Variants in CABIN1 observed in about 807,000 individuals in gnomAD.
The protein encoded by CABIN1 is calcineurin-binding protein cabin-1.
Under a neutral mutation model 227.7 loss-of-function variants are expected in CABIN1, and 133 were observed. That is an observed-to-expected ratio of 0.58 (90% CI 0.51 to 0.67). The LOEUF (loss-of-function observed/expected upper bound fraction) is 0.67, where lower values mean the gene tolerates loss of function less well. CABIN1 is among the 30% of genes least tolerant of loss of function. The pLI, the probability that CABIN1 is intolerant of heterozygous loss-of-function variation, is 0.00. For synonymous variants in CABIN1, 1,086 were observed against 1,155.1 expected (o/e 0.94, Z 1.21); for missense variants, 2,408 against 2,852.5 (o/e 0.84, Z 3.55).
chr22:24,034,667 T>A (rs2036738324), intron 1 of CABIN1, among the ~76,000 whole-genome samples: 1 of 152,230 alleles, frequency 6.6e-6, no homozygotes, highest in Admixed American at 6.5e-5. Context: ...GTTTAACATT[T>A]TGAGGAACTA....
chr22:24,038,691 C>A (rs897852330), intron 4 of CABIN1, among the ~76,000 whole-genome samples: 1 of 152,162 alleles, frequency 6.6e-6, no homozygotes, highest in African/African-American at 2.4e-5. Context: ...GGTGTAAGTG[C>A]TTGTTAAAGG....
intron 1 of CABIN1, among the ~76,000 whole-genome samples, chr22:24,024,214 C>CT (rs2035922220): frequency 1.3e-5 from 2 of 150,960 alleles, no homozygotes; most frequent in African/African-American, 4.9e-5. Flanking sequence ...TTTTATTATA[C>CT]TTTAAGTTTT....
At chr22:24,168,204 C>T (rs1387805851) in intron 32 of CABIN1, among the ~76,000 whole-genome samples, 2 of 152,244 alleles carry the variant, frequency 1.3e-5, no homozygotes, top group African/African-American at 2.4e-5. Flanking sequence ...GAGCAGGCAC[C>T]CCCACCTGGG....
intron 32 of CABIN1, 124 bp from the exon 33 acceptor site, chr22:24,168,320 TGGG>T (rs2148715277): frequency 2.3e-6 from 2 of 866,092 alleles, no homozygotes; most frequent in East Asian, 2.6e-5. Flanking sequence ...TCTGGGGTGT[TGGG>T]GGGCACCCGA....
Position 24,032,373 on chromosome 22 carries a change from GTTCA to G in CABIN1, c.-74-3065_-74-3062del, listed in dbSNP as rs1324133787. Among the ~76,000 whole-genome samples, 12 of 152,280 alleles carry G rather than the reference GTTCA, an allele frequency of 7.9e-5. No individual in the cohort carries two copies. In the East Asian group the frequency reaches 1.7e-3, roughly 22 times the overall value. On this transcript the variant is annotated intron_variant, in intron 1 of 36. Transcript: ENST00000263119. ...CTGTTGTATGTATACACCACATTTT[GTTCA>G]TTCATCTGTTGTTGGACACTTGGGT...
Position 24,134,558 on chromosome 22 carries a change from G to A in CABIN1, c.4746+143G>A, listed in dbSNP as rs1351802079. 7 of 705,136 alleles carry A rather than the reference G, an allele frequency of 9.9e-6. No homozygotes were observed. In the African/African-American group the frequency reaches 1.2e-4, roughly 12 times the overall value. 43.7% of individuals were successfully genotyped at this position (705,136 alleles called of 1,614,324 possible). ...AGAGGGCAGGCAGGGTGGTACAGTC[G>A]AGAGTGAGCCAGACTCCGGTGTGGG... On this transcript the variant is annotated intron_variant, in intron 29 of 36. Transcript: ENST00000263119.
chr22:24,111,757 G>A (rs1289807197), intron 26 of CABIN1, among the ~76,000 whole-genome samples: 1 of 152,178 alleles, frequency 6.6e-6, no homozygotes, highest in African/African-American at 2.4e-5. Context: ...TTGCATCATT[G>A]TAAAGTCAAA....
At chr22:24,173,164 C>T (rs2046922709) in intron 34 of CABIN1, 1 of 152,218 alleles carries the variant, frequency 6.6e-6, no homozygotes, top group Non-Finnish European at 1.5e-5. Flanking sequence ...CTGTGTCACC[C>T]CTGGAGGCTC....
intron 26 of CABIN1, among the ~76,000 whole-genome samples, chr22:24,108,518 C>G (rs1047544333): frequency 2.6e-5 from 4 of 152,218 alleles, no homozygotes; most frequent in Admixed American, 2.6e-4. Context: ...CAGGTCTGTG[C>G]TCCTCCACTC....
intron 28 of CABIN1, among the ~76,000 whole-genome samples, chr22:24,120,608 G>A (rs561143566): frequency 6.6e-6 from 1 of 152,174 alleles, no homozygotes; most frequent in Admixed American, 6.5e-5. Flanking sequence ...GATCACCTGA[G>A]GTCAGGAGTT....
intron 27 of CABIN1, among the ~76,000 whole-genome samples, chr22:24,116,337 T>A (rs2043086177): frequency 6.6e-6 from 1 of 152,028 alleles, no homozygotes; most frequent in African/African-American, 2.4e-5. Flanking sequence ...CAAAGCAGAG[T>A]TGACAAGCAC....
rs745454165 is a variant in CABIN1 at position 24,158,105 on chromosome 22, GCT to G, written c.4747-6291_4747-6290del. ...AGGAATCCCTCCACCAGGGGAACGG[GCT>G]CTCCCTTGGTTGCTCACAGTGTCGT... On this transcript the variant is annotated intron_variant, in intron 29 of 36. Coordinates refer to ENST00000263119, the MANE Select transcript of CABIN1 (RefSeq NM_012295.4). Among the ~76,000 whole-genome samples the G allele has an allele frequency of 2.0e-5, 3 of 152,336 alleles. No homozygotes were observed. In the East Asian group the frequency reaches 5.8e-4, roughly 29 times the overall value.
At chr22:24,061,253 A>G (rs1178544266) in intron 12 of CABIN1, among the ~76,000 whole-genome samples, 2 of 152,222 alleles carry the variant, frequency 1.3e-5, no homozygotes, top group Admixed American at 6.5e-5. Flanking sequence ...AGGGAACACA[A>G]GGTGCTCTGG....
At chr22:24,103,598 C>G (rs1193340161) in intron 26 of CABIN1, among the ~76,000 whole-genome samples, 1 of 152,174 alleles carries the variant, frequency 6.6e-6, no homozygotes, top group African/African-American at 2.4e-5. Flanking sequence ...CCTAAACAGA[C>G]CTTCTCAAAG....
Position 24,113,938 on chromosome 22 carries a change from G to A in CABIN1, c.4300+190G>A, listed in dbSNP as rs1281359182. On this transcript the variant is annotated intron_variant, in intron 27 of 36. Coordinates refer to ENST00000263119, the MANE Select transcript of CABIN1 (RefSeq NM_012295.4). ...GGGGTTGTGAGGGTTGAGTGAGGCA[G>A]CTCCTGAGGGTGCACACAGAGCCCA... is the stretch of plus-strand genomic sequence containing the variant. Among the ~76,000 whole-genome samples, 4 of 152,198 alleles carry A rather than the reference G, an allele frequency of 2.6e-5. No homozygotes were observed. In the East Asian group the frequency reaches 7.7e-4, roughly 29 times the overall value.
Position 24,070,650 on chromosome 22 carries a change from G to A in CABIN1, c.2233-150G>A, listed in dbSNP as rs1222736715. On this transcript the variant is annotated intron_variant, in intron 16 of 36. Coordinates refer to ENST00000263119, the MANE Select transcript of CABIN1 (RefSeq NM_012295.4). ...CTGGACTGCCCTTCTAGGCACCTCC[G>A]GGCTGCATGGGGCCTATGTTGTGCT... The A allele has an allele frequency of 4.4e-6, 5 of 1,129,796 alleles. No homozygotes were observed. In the African/African-American group the frequency reaches 6.1e-5, roughly 14 times the overall value. 70.0% of individuals were successfully genotyped at this position (1,129,796 alleles called of 1,614,324 possible).
chr22:24,131,155 G>A (rs554577136), intron 28 of CABIN1, among the ~76,000 whole-genome samples: 3 of 152,348 alleles, frequency 2.0e-5, no homozygotes, highest in Admixed American at 6.5e-5. Context: ...AGTCTTTGTC[G>A]AGGCTTTACT....
At chr22:24,053,078 C>CTTTTTTTTTT (rs71184943) in intron 8 of CABIN1, among the ~76,000 whole-genome samples, 1 of 131,280 alleles carries the variant, frequency 7.6e-6, no homozygotes, top group African/African-American at 3.0e-5. Context: ...TTTCTTTTTT[C>CTTTTTTTTTT]TTTTTTTTTT....
chr22:24,096,371 C>T (rs1334980623), intron 25 of CABIN1, among the ~76,000 whole-genome samples: 1 of 152,188 alleles, frequency 6.6e-6, no homozygotes, highest in Non-Finnish European at 1.5e-5. Flanking sequence ...CTGCCCTCTC[C>T]ACTGGGGCAC....
Sources: allele counts gnomAD v4.1 joint callset (sites outside exome capture counted in the v4.1 genomes callset), GRCh38; gene constraint gnomAD v4.1.1; transcripts MANE v1.5; gene names NCBI Gene and HGNC (gene_info 2026-07-23, HGNC 2026-07-21).